Variants in RALGAPA2 observed in about 807,000 individuals in gnomAD.
RALGAPA2 encodes ral GTPase-activating protein subunit alpha-2.
RALGAPA2 carries 139 observed loss-of-function variants against 230.4 expected under a neutral mutation model. The observed-to-expected ratio is 0.60, with a 90% CI of 0.53 to 0.69. The LOEUF (loss-of-function observed/expected upper bound fraction) is 0.69, where lower values mean the gene tolerates loss of function less well. Among genes scored for constraint, RALGAPA2 ranks in the 30% least tolerant of loss-of-function variants. The pLI is 0.00. For missense variants in RALGAPA2, 2,163 were observed against 2,276.0 expected (o/e 0.95, Z 1.01); for synonymous variants, 847 against 837.8 (o/e 1.01, Z -0.19).
intron 39 of RALGAPA2, among the ~76,000 whole-genome samples, chr20:20,396,191 G>A (rs1295659219): frequency 6.6e-6 from 1 of 152,316 alleles, no homozygotes; most frequent in South Asian, 2.1e-4. Context: ...CTGCGCTCCC[G>A]CAGCTTTTGT....
At chr20:20,708,488 TA>T (rs919362410) in intron 1 of RALGAPA2, among the ~76,000 whole-genome samples, 5 of 152,202 alleles carry the variant, frequency 3.3e-5, no homozygotes, top group African/African-American at 1.2e-4. Context: ...GATGGTTTTA[TA>T]AATGGGATTT....
intron 37 of RALGAPA2, among the ~76,000 whole-genome samples, chr20:20,469,397 T>C (rs539390584): frequency 1.3e-5 from 2 of 152,296 alleles, no homozygotes; most frequent in East Asian, 3.9e-4. Flanking sequence ...AAGTCATGGG[T>C]CTAAGAGGGG....
Position 20,495,262 on chromosome 20 carries a change from C to T in RALGAPA2, c.5222G>A (p.Gly1741Glu). 6.6e-7 allele frequency: 1 copy of T among 1,522,502 alleles called. No homozygotes were observed. Among genetic ancestry groups the T allele is most frequent in the Non-Finnish European group, 8.9e-7 (1 of 1,119,404 alleles). The allele number at this position is 1,522,502 out of a possible 1,614,324, so 94.3% of individuals were successfully genotyped here. A position where few individuals can be genotyped will look rare whatever the true frequency, so the allele number is the denominator to read the frequency against. Residue 1741 changes from glycine (G) to glutamate (E), a missense_variant, in exon 36 of 40, where the codon GGG becomes GAG. By Grantham distance (98) the Gly-to-Glu change is moderately conservative. Transcript: ENST00000202677. ...DSLTKKLRHL[G>E]NDEVHIVWSE... ...CCAGACGATATGGACCTCGTCATTC[C>T]CCAAGTGACGAAGCTGCAACAGCAA...
chr20:20,487,745 CA>C (rs575565844), intron 36 of RALGAPA2, among the ~76,000 whole-genome samples: 2 of 149,396 alleles, frequency 1.3e-5, no homozygotes, highest in African/African-American at 2.5e-5. Flanking sequence ...CCCATTTCTC[CA>C]AAAAAAAATA....
chr20:20,654,070 G>C (rs1258240232), intron 3 of RALGAPA2, among the ~76,000 whole-genome samples: 2 of 152,086 alleles, frequency 1.3e-5, no homozygotes, highest in East Asian at 3.8e-4. Flanking sequence ...GAAATTGGTG[G>C]CAAGAATTTC....
chr20:20,613,986 A>G (rs925448077), intron 13 of RALGAPA2, among the ~76,000 whole-genome samples: 6 of 152,204 alleles, frequency 3.9e-5, no homozygotes, highest in Non-Finnish European at 7.3e-5. Context: ...ATGTAACCTC[A>G]TGAGGGCAGG....
Position 20,620,073 on chromosome 20 carries a change from A to G in RALGAPA2, c.1401+390T>C, listed in dbSNP as rs116108255. 3.5e-3 allele frequency among the ~76,000 whole-genome samples: 539 copies of G among 152,360 alleles called. 4 individuals carry two copies. Among genetic ancestry groups the G allele is most frequent in the African/African-American group, 0.012 (508 of 41,584 alleles). On this transcript the variant is annotated intron_variant, in intron 11 of 39. Transcript: ENST00000202677. ...CTTCTGGTACAGGCCACTGCACAAC[A>G]AAAGTCTACCCAAACATTCTCAATT...
Position 20,546,796 on chromosome 20 carries a change from G to C in RALGAPA2, c.3193C>G (p.Arg1065Gly). 1.2e-6 allele frequency: 2 copies of C among 1,610,068 alleles called. No individual in the cohort carries two copies. Among genetic ancestry groups the C allele is most frequent in the East Asian group, 2.2e-5 (1 of 44,760 alleles). ...CCAGGAAAACCCAGGGAGAAAAAGCGGGGTGGACAGTGCCTTATGATCGTA... is the reference window on the plus strand; with the variant it reads ...CCAGGAAAACCCAGGGAGAAAAAGCCGGGTGGACAGTGCCTTATGATCGTA... Reference protein sequence around the residue: ...LNTIIRHCPPRFFSLGFPGFS... With the variant: ...LNTIIRHCPPGFFSLGFPGFS... Residue 1065 changes from arginine (R) to glycine (G), a missense_variant, in exon 24 of 40, where the codon CGC (arginine) becomes GGC (glycine). Physicochemically the swap from Arg to Gly is moderately radical, Grantham distance 125 (BLOSUM62 -2). Transcript: ENST00000202677.
intron 23 of RALGAPA2, among the ~76,000 whole-genome samples, chr20:20,571,216 T>C (rs1019977231): frequency 3.3e-5 from 5 of 152,152 alleles, no homozygotes; most frequent in South Asian, 2.1e-4. Context: ...ATAGAGGCCA[T>C]AGAATAAAAT....
At chr20:20,396,949 A>G (rs2059732405) in intron 38 of RALGAPA2, among the ~76,000 whole-genome samples, 1 of 152,222 alleles carries the variant, frequency 6.6e-6, no homozygotes, top group Non-Finnish European at 1.5e-5. Flanking sequence ...GTGAAATGAG[A>G]GAGACATTAG....
chr20:20,666,429 T>C (rs1230532112), intron 3 of RALGAPA2, among the ~76,000 whole-genome samples: 1 of 152,232 alleles, frequency 6.6e-6, no homozygotes, highest in Admixed American at 6.5e-5. Context: ...TTTAGAAGAA[T>C]CTGCTTTTCT....
chr20:20,429,307 A>G (rs2060454052), intron 37 of RALGAPA2, among the ~76,000 whole-genome samples: 1 of 152,220 alleles, frequency 6.6e-6, no homozygotes, highest in South Asian at 2.1e-4. Flanking sequence ...AGATGCTTGC[A>G]ATGTTCAGTG....
At position 20,535,760 on chromosome 20, in the gene RALGAPA2, G is replaced by T; in HGVS notation, c.3458C>A (p.Pro1153Gln). ...CAACATTTACCTTGCATATTCATTTGGTTCTTCTGTGGCATTCTTCAGTAA... is the reference window on the plus strand; with the variant it reads ...CAACATTTACCTTGCATATTCATTTTGTTCTTCTGTGGCATTCTTCAGTAA... The part of the protein sequence containing the change: ...NILLKNATEE[P>Q]NEYARCIAVC... The change falls in exon 26 of 40, where the codon CCA becomes CAA. Residue 1153 changes from proline to glutamine, a missense_variant. Pro to Gln is a moderately conservative substitution (Grantham distance 76). Coordinates refer to ENST00000202677, the MANE Select transcript of RALGAPA2 (RefSeq NM_020343.4). 1 of 1,547,716 alleles carries T rather than the reference G, an allele frequency of 6.5e-7. No homozygotes were observed. Among genetic ancestry groups the T allele is most frequent in the Non-Finnish European group, 8.7e-7 (1 of 1,145,266 alleles).
At chr20:20,560,956 C>T (rs1347704026) in intron 23 of RALGAPA2, among the ~76,000 whole-genome samples, 1 of 152,202 alleles carries the variant, frequency 6.6e-6, no homozygotes, top group Non-Finnish European at 1.5e-5. Flanking sequence ...TCATCAGAAA[C>T]CCGTTTCATG....
At chr20:20,700,113 A>G (rs1480913264) in intron 1 of RALGAPA2, among the ~76,000 whole-genome samples, 1 of 152,200 alleles carries the variant, frequency 6.6e-6, no homozygotes, top group African/African-American at 2.4e-5. Flanking sequence ...ACACCATGGA[A>G]TACTACACAG....
Position 20,589,368 on chromosome 20 carries a change from A to G in RALGAPA2, c.2342-3T>C. On this transcript the variant is annotated splice_polypyrimidine_tract_variant and splice_region_variant and intron_variant, in intron 17 of 39. Transcript: ENST00000202677. The stretch of plus-strand genomic sequence containing the variant: ...CTGTGTGTTTTCTGCCTTTTGACCT[A>G]GAAATGGTGGGGCAGGGGGGTAGCG... The G allele has an allele frequency of 1.3e-6, 2 of 1,578,760 alleles. No individual in the cohort carries two copies. Among genetic ancestry groups the G allele is most frequent in the South Asian group, 1.2e-5 (1 of 86,446 alleles).
chr20:20,641,060 T>C (rs61083493), intron 5 of RALGAPA2, among the ~76,000 whole-genome samples, 182 bp from the exon 6 acceptor site: 1,694 of 152,314 alleles, frequency 0.011, 30 homozygotes, highest in African/African-American at 0.039. Flanking sequence ...GTTAAGAGCC[T>C]GGGTTCTGGA....
At chr20:20,622,507 C>T (rs538966415) in intron 10 of RALGAPA2, among the ~76,000 whole-genome samples, 13 of 152,254 alleles carry the variant, frequency 8.5e-5, no homozygotes, top group African/African-American at 2.4e-4. Flanking sequence ...ACGTGACTTT[C>T]GATGACTTCT....
At chr20:20,395,264 C>G (rs1353399717) in intron 39 of RALGAPA2, among the ~76,000 whole-genome samples, 3 of 152,254 alleles carry the variant, frequency 2.0e-5, no homozygotes, top group African/African-American at 7.2e-5. Flanking sequence ...TCTGCTGGGA[C>G]ATTCTCATCT....
Sources: gnomAD v4.1 joint callset for allele counts (sites outside exome capture counted in the v4.1 genomes callset) on GRCh38, gnomAD v4.1.1 for gene constraint, MANE v1.5 for transcripts, NCBI Gene and HGNC (gene_info 2026-07-23, HGNC 2026-07-21) for gene names.